The following XPO4 variants were observed in gnomAD, a reference collection of about 807,000 sequenced individuals.
XPO4 encodes exportin-4.
Under a neutral mutation model 143.0 loss-of-function variants are expected in XPO4, and 39 were observed. That is an observed-to-expected ratio of 0.27 (90% CI 0.21 to 0.36). The LOEUF is 0.36. XPO4 is among the 10% of genes least tolerant of loss of function. The pLI is 1.00. For missense variants in XPO4, 907 were observed against 1,348.0 expected (o/e 0.67, Z 5.12); for synonymous variants, 439 against 474.0 (o/e 0.93, Z 0.96).
At chr13:20,813,746 T>A (rs1475128159) in intron 9 of XPO4, among the ~76,000 whole-genome samples, 2 of 152,044 alleles carry the variant, frequency 1.3e-5, no homozygotes, top group African/African-American at 4.8e-5. Flanking sequence ...TCACCTGAAA[T>A]CAGGAGTTCA....
chr13:20,803,867 T>G lies in XPO4; in HGVS notation c.1818-2877A>C, dbSNP rs1299775408. On this transcript the variant is annotated intron_variant, in intron 13 of 22. Transcript: ENST00000255305. The surrounding 1 kb of genome is among the most constrained non-coding windows in gnomAD (Gnocchi z 4.1). ...GAAAATGATGCTGGGACCTGACGGC[T>G]GCATTCCCAGAAAATCAGGCATTCC... Among the ~76,000 whole-genome samples the G allele has an allele frequency of 6.6e-6, 1 of 152,144 alleles. No individual in the cohort carries two copies. Among genetic ancestry groups the G allele is most frequent in the Non-Finnish European group, 1.5e-5 (1 of 68,038 alleles).
intron 1 of XPO4, among the ~76,000 whole-genome samples, chr13:20,881,269 C>A (rs2060406672): frequency 6.6e-6 from 1 of 151,916 alleles, no homozygotes; most frequent in South Asian, 2.1e-4. Context: ...TTGAATTTTA[C>A]AATAATTTTT....
At chr13:20,791,361 T>C (rs1214271197) in intron 18 of XPO4, among the ~76,000 whole-genome samples, 2 of 152,098 alleles carry the variant, frequency 1.3e-5, no homozygotes, top group Non-Finnish European at 2.9e-5. Flanking sequence ...TAAGACCATT[T>C]TGAGAATTCT....
Position 20,796,809 on chromosome 13 carries a change from T to G in XPO4, c.2571A>C (p.Glu857Asp). The part of the protein sequence containing the change: ...NTPETVNLII[E>D]VFVEVAHKQI... Reference sequence around the variant, plus strand: ...GTTTATGTGCAACTTCAACAAAAACTTCTATAATGAGATTGACAGTCTCTG... The same window carrying G: ...GTTTATGTGCAACTTCAACAAAAACGTCTATAATGAGATTGACAGTCTCTG... The change falls in exon 17 of 23, where the codon GAA becomes GAC. Residue 857 changes from glutamate (E) to aspartate (D), a missense_variant. Transcript: ENST00000255305. 6.2e-7 allele frequency: 1 copy of G among 1,613,740 alleles called. No individual in the cohort carries two copies. Among genetic ancestry groups the G allele is most frequent in the Non-Finnish European group, 8.5e-7 (1 of 1,179,814 alleles).
chr13:20,841,924 A>T (rs978290002), intron 6 of XPO4, among the ~76,000 whole-genome samples: 1 of 151,968 alleles, frequency 6.6e-6, no homozygotes, highest in Non-Finnish European at 1.5e-5. Flanking sequence ...AACATCTAGA[A>T]CAGGTCGCAT....
intron 9 of XPO4, among the ~76,000 whole-genome samples, chr13:20,811,547 C>T (rs2059582357): frequency 1.3e-5 from 2 of 152,110 alleles, no homozygotes; most frequent in African/African-American, 4.8e-5. Flanking sequence ...CTCAGTCTCC[C>T]AAAGTGCTGG....
intron 1 of XPO4, chr13:20,879,297 G>A (rs951420854): frequency 1.0e-6 from 1 of 985,246 alleles, no homozygotes; most frequent in Non-Finnish European, 1.2e-6. Flanking sequence ...GAAGGAGGGG[G>A]ACCAGGGAAG....
chr13:20,813,575 C>T lies in XPO4; in HGVS notation c.1174-3608G>A, dbSNP rs530529451. 5.9e-5 allele frequency among the ~76,000 whole-genome samples: 9 copies of T among 152,280 alleles called. No individual in the cohort carries two copies. In the South Asian group the frequency reaches 6.2e-4, roughly 11 times the overall value. On this transcript the variant is annotated intron_variant, in intron 9 of 22. Transcript: ENST00000255305. ...TACACGTAATACACTGGTCCAATCA[C>T]TTTCGGAAAAATTTGACACTACTAT... is the stretch of plus-strand genomic sequence containing the variant.
chr13:20,823,806 G>A (rs2059750626), intron 7 of XPO4, among the ~76,000 whole-genome samples: 1 of 152,004 alleles, frequency 6.6e-6, no homozygotes, highest in Non-Finnish European at 1.5e-5. Flanking sequence ...CACGTGCCAC[G>A]GCGCCTGGCT....
chr13:20,891,122 TAAAAAAAAAAAAA>T lies in XPO4; in HGVS notation c.69+11535_69+11547del, dbSNP rs57528913. Among the ~76,000 whole-genome samples, 188 of 86,012 alleles carry T rather than the reference TAAAAAAAAAAAAA, an allele frequency of 2.2e-3. 4 individuals carry two copies. The highest frequency in any genetic ancestry group is 2.4e-3 in the Non-Finnish European group (118 of 48,948). 56.4% of individuals were successfully genotyped at this position (86,012 alleles called of 152,430 possible). ...ACAAGAGCAAAACTCCATCTCAATT[TAAAAAAAAAAAAA>T]AAAAAAAAAAAAAAAGAACAAACGG... On this transcript the variant is annotated intron_variant, in intron 1 of 22. Coordinates refer to ENST00000255305, the MANE Select transcript of XPO4 (RefSeq NM_022459.5).
At chr13:20,810,970 C>T (rs1225321633) in intron 9 of XPO4, among the ~76,000 whole-genome samples, 2 of 152,188 alleles carry the variant, frequency 1.3e-5, no homozygotes, top group Non-Finnish European at 2.9e-5. Context: ...TGACTATGCA[C>T]ACCACCAGGC....
At chr13:20,837,540 G>C (rs1447553925) in intron 6 of XPO4, among the ~76,000 whole-genome samples, 2 of 151,944 alleles carry the variant, frequency 1.3e-5, no homozygotes, top group Non-Finnish European at 2.9e-5. Flanking sequence ...CAAATAATTG[G>C]GTCTACAGGT....
At chr13:20,795,733 G>A (rs575101600) in intron 18 of XPO4, among the ~76,000 whole-genome samples, 2 of 152,308 alleles carry the variant, frequency 1.3e-5, no homozygotes, top group Admixed American at 6.5e-5. Context: ...TCCTGGCTAA[G>A]TATCTGTGGC....
At chr13:20,819,864 G>A (rs372104091) in intron 9 of XPO4, among the ~76,000 whole-genome samples, 1 of 152,114 alleles carries the variant, frequency 6.6e-6, no homozygotes, top group East Asian at 1.9e-4. Flanking sequence ...CCAGCATACA[G>A]AAGATACAAC....
intron 22 of XPO4, among the ~76,000 whole-genome samples, chr13:20,785,849 G>A (rs1220639165): frequency 7.6e-6 from 1 of 131,848 alleles, no homozygotes; most frequent in Non-Finnish European, 1.6e-5. Flanking sequence ...CAAGAGGGTG[G>A]AAGGGAACGG....
At chr13:20,810,281 G>A (rs1220085096) in intron 9 of XPO4, among the ~76,000 whole-genome samples, 1 of 152,040 alleles carries the variant, frequency 6.6e-6, no homozygotes, top group Non-Finnish European at 1.5e-5. Context: ...TACACCCTAC[G>A]CACTTTAAAA....
intron 4 of XPO4, chr13:20,851,913 T>C (rs1376621294): frequency 1.0e-6 from 1 of 985,254 alleles, no homozygotes; most frequent in African/African-American, 1.7e-5. Flanking sequence ...TTTCAGTGGC[T>C]CCAAAAAAAT....
intron 9 of XPO4, among the ~76,000 whole-genome samples, chr13:20,811,159 G>A (rs2059576968): frequency 1.3e-5 from 2 of 152,152 alleles, no homozygotes; most frequent in African/African-American, 4.8e-5. Context: ...CATAACATGG[G>A]GTGAGAATGG....
chr13:20,888,582 C>A (rs1169603875), intron 1 of XPO4, among the ~76,000 whole-genome samples: 4 of 152,108 alleles, frequency 2.6e-5, no homozygotes, highest in African/African-American at 9.7e-5. Flanking sequence ...GTCTCAAACT[C>A]CTGGGCTCAA....
Sources: allele counts gnomAD v4.1 joint callset (sites outside exome capture counted in the v4.1 genomes callset), GRCh38; gene constraint gnomAD v4.1.1; non-coding constraint Gnocchi (gnomAD v3.1); transcripts MANE v1.5; gene names NCBI Gene and HGNC (gene_info 2026-07-23, HGNC 2026-07-21).